Variants in KAZN observed in about 807,000 individuals in gnomAD.
The protein encoded by KAZN is kazrin.
KAZN carries 40 observed loss-of-function variants against 87.4 expected under a neutral mutation model. The observed-to-expected ratio is 0.46, with a 90% CI of 0.36 to 0.60. KAZN has a LOEUF of 0.60. KAZN is among the 20% of genes least tolerant of loss of function. KAZN has a pLI of 0.00. For synonymous variants in KAZN, 466 were observed against 458.3 expected (o/e 1.02, Z -0.22); for missense variants, 898 against 1,073.9 (o/e 0.84, Z 2.29).
chr1:14,936,526 ATACTCGGC>A (rs1365468709), intron 1 of KAZN, among the ~76,000 whole-genome samples: 1 of 152,064 alleles, frequency 6.6e-6, no homozygotes, highest in Non-Finnish European at 1.5e-5. Context: ...TGTGCCAGCC[ATACTCGGC>A]TACTTTTGCC....
chr1:14,347,553 T>C (rs540218466), intron 2 of KAZN, among the ~76,000 whole-genome samples: 4 of 152,304 alleles, frequency 2.6e-5, no homozygotes, highest in South Asian at 4.1e-4. Context: ...AGCTTTCTTT[T>C]GTTAGATTAG....
At chr1:15,006,839 G>A (rs113666666) in intron 2 of KAZN, among the ~76,000 whole-genome samples, 12,837 of 151,968 alleles carry the variant, frequency 0.084, 700 homozygotes, top group South Asian at 0.18. Context: ...GGCGGATCAC[G>A]AGGTCAGAAG....
intron 2 of KAZN, among the ~76,000 whole-genome samples, chr1:14,513,514 C>T (rs1412072630): frequency 1.3e-5 from 2 of 152,130 alleles, no homozygotes; most frequent in Non-Finnish European, 2.9e-5. Context: ...AACGGGGAAT[C>T]TCTAGGTCTA....
At chr1:13,941,010 C>G (rs113564614) in intron 1 of KAZN, among the ~76,000 whole-genome samples, 1 of 152,002 alleles carries the variant, frequency 6.6e-6, no homozygotes, top group Non-Finnish European at 1.5e-5. Flanking sequence ...GCTTGGCCAA[C>G]ATGGTGAAAC....
chr1:15,063,707 T>C, intron 7 of KAZN, 85 bp downstream of exon 7: 1 of 1,113,584 alleles, frequency 9.0e-7, no homozygotes, highest in Non-Finnish European at 1.4e-6. Context: ...TGAGCCCACA[T>C]CCATGCCGCA....
chr1:14,189,569 T>C (rs1466118171), intron 2 of KAZN, among the ~76,000 whole-genome samples: 1 of 152,284 alleles, frequency 6.6e-6, no homozygotes, highest in East Asian at 1.9e-4. Context: ...CTGGCTCATC[T>C]TAGATGTCCT....
intron 1 of KAZN, among the ~76,000 whole-genome samples, chr1:14,130,774 A>G (rs1190568997): frequency 7.2e-5 from 11 of 152,178 alleles, no homozygotes; most frequent in Admixed American, 7.2e-4. Context: ...CCTCTGATAC[A>G]GGTAGAGAAT....
chr1:14,110,541 T>C (rs527768959), intron 1 of KAZN, among the ~76,000 whole-genome samples: 1 of 152,364 alleles, frequency 6.6e-6, no homozygotes, highest in East Asian at 1.9e-4. Flanking sequence ...TGTAGTTTTT[T>C]GACTTCTATT....
chr1:14,487,324 C>T (rs907601267), intron 2 of KAZN, among the ~76,000 whole-genome samples: 1 of 152,158 alleles, frequency 6.6e-6, no homozygotes, highest in African/African-American at 2.4e-5. Flanking sequence ...TGTAAGCATA[C>T]TTTATTAATT....
intron 1 of KAZN, among the ~76,000 whole-genome samples, chr1:14,819,679 T>C (rs978443623): frequency 2.0e-5 from 3 of 151,104 alleles, no homozygotes; most frequent in Non-Finnish European, 4.4e-5. Context: ...CCCACCATCA[T>C]GTGAGCCAAT....
intron 13 of KAZN, 54 bp downstream of exon 13, chr1:15,104,243 G>A: frequency 6.8e-7 from 1 of 1,477,068 alleles, no homozygotes; most frequent in Non-Finnish European, 9.0e-7. Flanking sequence ...GTACAGCTCA[G>A]GGCTTTGGAA....
chr1:14,695,069 T>G (rs1485800771), intron 1 of KAZN, among the ~76,000 whole-genome samples: 3 of 152,214 alleles, frequency 2.0e-5, no homozygotes, highest in African/African-American at 7.2e-5. Context: ...TAATTGGATC[T>G]CTGTCTTCTC....
chr1:14,514,423 TATAA>T lies in KAZN; in HGVS notation c.250-84559_250-84556del. 7.4e-5 allele frequency among the ~76,000 whole-genome samples: 4 copies of T among 53,978 alleles called. 1 individual carries two copies. The highest frequency in any genetic ancestry group is 2.6e-4 in the African/African-American group (4 of 15,126). The allele number at this position is 53,978 out of a possible 152,430, so 35.4% of individuals were successfully genotyped here. A position where few individuals can be genotyped will look rare whatever the true frequency, so the allele number is the denominator to read the frequency against. On this transcript the variant is annotated intron_variant, in intron 2 of 16. Coordinates refer to the KAZN transcript ENST00000636203. The stretch of plus-strand genomic sequence containing the variant: ...TATATATATAATATATAAATATATA[TATAA>T]TATATATAATTGCAAAATATATATA...
Position 15,115,344 on chromosome 1 carries a change from G to C in KAZN, c.*709G>C, listed in dbSNP as rs988205182. On this transcript the variant is annotated 3_prime_UTR_variant, in exon 15 of 15. Coordinates refer to ENST00000376030, the MANE Select transcript of KAZN (RefSeq NM_201628.3). This position sits in a 1 kb window ranked among gnomAD's most constrained non-coding sequence, Gnocchi z 4.1. ...CCGGTGAATGATCCGTGCAGGAGTG[G>C]GGCTTAGCAGCCACATTTCTAGGAG... 6.6e-6 allele frequency: 1 copy of C among 152,240 alleles called. No individual in the cohort carries two copies. Among genetic ancestry groups the C allele is most frequent in the African/African-American group, 2.4e-5 (1 of 41,462 alleles). The allele number at this position is 152,240 out of a possible 1,614,324, so 9.4% of individuals were successfully genotyped here. A position where few individuals can be genotyped will look rare whatever the true frequency, so the allele number is the denominator to read the frequency against.
At chr1:14,847,688 C>T (rs139515468) in intron 1 of KAZN, among the ~76,000 whole-genome samples, 293 of 152,346 alleles carry the variant, frequency 1.9e-3, no homozygotes, top group African/African-American at 6.7e-3. Context: ...GTGCCTAGGA[C>T]AGCACCTGGG....
intron 2 of KAZN, among the ~76,000 whole-genome samples, chr1:14,412,632 AAAGG>A (rs1329673387): frequency 6.6e-6 from 1 of 152,146 alleles, no homozygotes; most frequent in East Asian, 1.9e-4. Flanking sequence ...AAATCTAGAG[AAAGG>A]AAGGGCTGGG....
intron 8 of KAZN, among the ~76,000 whole-genome samples, chr1:15,089,204 A>G (rs1640414455): frequency 6.6e-6 from 1 of 152,118 alleles, no homozygotes; most frequent in Admixed American, 6.5e-5. Flanking sequence ...GCAGCAGCCA[A>G]CTTCTGCTCC....
chr1:14,284,479 A>G (rs1653090066), intron 2 of KAZN, among the ~76,000 whole-genome samples: 1 of 152,082 alleles, frequency 6.6e-6, no homozygotes, highest in Non-Finnish European at 1.5e-5. Context: ...GTGGGGCTGA[A>G]ACCTAGAAAG....
chr1:14,227,006 T>C (rs1181213732), intron 2 of KAZN, among the ~76,000 whole-genome samples: 2 of 152,038 alleles, frequency 1.3e-5, no homozygotes, highest in Non-Finnish European at 2.9e-5. Flanking sequence ...AACACACAAT[T>C]TGCCCATGTA....
Sources: allele counts gnomAD v4.1 joint callset (sites outside exome capture counted in the v4.1 genomes callset), GRCh38; gene constraint gnomAD v4.1.1; non-coding constraint Gnocchi (gnomAD v3.1); transcripts MANE v1.5; gene names NCBI Gene and HGNC (gene_info 2026-07-23, HGNC 2026-07-21).